The following MATN2 variants were observed in gnomAD, a reference collection of about 807,000 sequenced individuals.
MATN2 encodes the protein matrilin 2, also known as matrilin-2.
MATN2 carries 69 observed loss-of-function variants against 103.2 expected under a neutral mutation model. The ratio of observed to expected loss-of-function variants is 0.67; its 90% CI spans 0.55 to 0.82. The LOEUF is 0.82. MATN2 is among the 40% of genes least tolerant of loss of function. The pLI is 0.00. For missense variants in MATN2, 1,023 were observed against 1,211.5 expected (o/e 0.84, Z 2.31); for synonymous variants, 429 against 450.2 (o/e 0.95, Z 0.60).
intron 2 of MATN2, among the ~76,000 whole-genome samples, chr8:97,921,813 G>A (rs2130109299): frequency 6.6e-6 from 1 of 152,272 alleles, no homozygotes; most frequent in East Asian, 1.9e-4. Flanking sequence ...TCTTTGACAA[G>A]CCCATGTAGT....
At chr8:97,981,835 C>T (rs988139236) in intron 6 of MATN2, among the ~76,000 whole-genome samples, 13 of 152,266 alleles carry the variant, frequency 8.5e-5, no homozygotes, top group Admixed American at 2.6e-4. Context: ...ATCCCCAGCC[C>T]AGGGTGGTGC....
chr8:98,025,860 C>T (rs1813778051), intron 13 of MATN2: 1 of 343,102 alleles, frequency 2.9e-6, no homozygotes, highest in Admixed American at 4.0e-5. Context: ...GCTTTTATTT[C>T]TGCTTACTAT....
chr8:97,875,143 C>G (rs1818028071), intron 1 of MATN2, among the ~76,000 whole-genome samples: 1 of 151,996 alleles, frequency 6.6e-6, no homozygotes. Flanking sequence ...TCACATATTC[C>G]CAGCTTCTGG....
intron 6 of MATN2, among the ~76,000 whole-genome samples, chr8:97,994,028 A>G (rs1276144744): frequency 1.3e-5 from 2 of 151,030 alleles, no homozygotes; most frequent in East Asian, 1.9e-4. Flanking sequence ...AATAATAATA[A>G]TAGAAGAAGA....
chr8:97,914,358 C>CTTTTT (rs149996231), intron 2 of MATN2, among the ~76,000 whole-genome samples: 5 of 52,936 alleles, frequency 9.4e-5, no homozygotes, highest in Admixed American at 3.1e-4. Context: ...AAATCCAGAC[C>CTTTTT]TTTTTTTTTT....
chr8:97,964,856 C>T (rs1431391614), intron 5 of MATN2, among the ~76,000 whole-genome samples: 1 of 152,150 alleles, frequency 6.6e-6, no homozygotes, highest in Non-Finnish European at 1.5e-5. Flanking sequence ...ACCTCAGACT[C>T]CCAAGTTGCT....
chr8:98,034,467 T>C lies in MATN2; in HGVS notation c.2815+808T>C, dbSNP rs145144624. On this transcript the variant is annotated intron_variant, in intron 18 of 18. Coordinates refer to ENST00000254898, the MANE Select transcript of MATN2 (RefSeq NM_002380.5). ...GCTTATGTAATAAGGAACAACAGCA[T>C]AGGGCAATTCCATTTCTGAAAGCTG... Among the ~76,000 whole-genome samples, 1,488 of 152,296 alleles carry C rather than the reference T, an allele frequency of 9.8e-3. 15 individuals carry two copies. The highest frequency in any genetic ancestry group is 0.016 in the Non-Finnish European group (1,072 of 68,022).
At position 98,031,154 on chromosome 8, in the gene MATN2, A is replaced by C. The variant is rs368960960; in HGVS notation, c.2509+540A>C. On this transcript the variant is annotated intron_variant, in intron 15 of 18. Transcript: ENST00000254898. Reference sequence around the variant, plus strand: ...GAGTTCAAGACCAGTTTAGGCAACAAAGTGAAACCCTGTCTCTGAAAAAAA... The same window carrying C: ...GAGTTCAAGACCAGTTTAGGCAACACAGTGAAACCCTGTCTCTGAAAAAAA... 1.5e-4 allele frequency among the ~76,000 whole-genome samples: 23 copies of C among 152,166 alleles called. 1 individual carries two copies. The East Asian group carries it at 4.1e-3, about 27-fold the overall frequency.
At chr8:97,968,593 G>T (rs1302869980) in intron 5 of MATN2, among the ~76,000 whole-genome samples, 1 of 152,128 alleles carries the variant, frequency 6.6e-6, no homozygotes, top group Non-Finnish European at 1.5e-5. Context: ...GATCCCTAGG[G>T]CATGAACACA....
chr8:97,931,270 G>C lies in MATN2; in HGVS notation c.460G>C (p.Ala154Pro). 1 of 1,613,932 alleles carries C rather than the reference G, an allele frequency of 6.2e-7. No homozygotes were observed. Among genetic ancestry groups the C allele is most frequent in the Non-Finnish European group, 8.5e-7 (1 of 1,179,882 alleles). ...LNIAFSEAEG[A>P]RPLRENVPRV... ...CATCGCATTCTCAGAAGCAGAGGGG[G>C]CCCGGCCCCTGAGGGAGAATGTGCC... is the stretch of plus-strand genomic sequence containing the variant. Residue 154 changes from alanine (A) to proline (P), a missense_variant, in exon 3 of 19, where the codon GCC becomes CCC. By Grantham distance (27) the Ala-to-Pro change is conservative. Coordinates refer to ENST00000254898, the MANE Select transcript of MATN2 (RefSeq NM_002380.5). The surrounding 1 kb of genome is among the most constrained non-coding windows in gnomAD (Gnocchi z 4.1).
intron 2 of MATN2, among the ~76,000 whole-genome samples, chr8:97,916,693 A>G (rs890993371): frequency 6.6e-6 from 1 of 152,128 alleles, no homozygotes; most frequent in Non-Finnish European, 1.5e-5. Flanking sequence ...AAACTCCGAG[A>G]GAGGACGTGA....
In MATN2 at chr8:97,961,546, G is replaced by A. The variant is rs745978367; in HGVS notation, c.958+16G>A. Reference sequence around the variant, plus strand: ...AGGTGTGTGGGTGAGTATCCCTCCAGCTGGGCTTGGTAGGGAAGGACAAGT... The same window carrying A: ...AGGTGTGTGGGTGAGTATCCCTCCAACTGGGCTTGGTAGGGAAGGACAAGT... On this transcript the variant is annotated intron_variant, in intron 5 of 18. Transcript: ENST00000254898. 6.2e-7 allele frequency: 1 copy of A among 1,600,236 alleles called. No homozygotes were observed. The highest frequency in any genetic ancestry group is 1.7e-5 in the Admixed American group (1 of 58,694).
chr8:98,007,555 G>C lies in MATN2; in HGVS notation c.1527G>C (p.Gln509His). 1.9e-6 allele frequency: 3 copies of C among 1,613,500 alleles called. No individual in the cohort carries two copies. The highest frequency in any genetic ancestry group is 2.5e-6 in the Non-Finnish European group (3 of 1,179,444). The change falls in exon 10 of 19, where the codon CAG (glutamine) becomes CAC (histidine). Residue 509 changes from glutamine (Q) to histidine (H), a missense_variant. Transcript: ENST00000254898. This position sits in a 1 kb window ranked among gnomAD's most constrained non-coding sequence, Gnocchi z 4.2. ...ACATGGACAGATCCTTTGCCTGTCA[G>C]TGTCCTGAGGGACACGTGCTCCGCA... is the stretch of plus-strand genomic sequence containing the variant. ...CVNMDRSFAC[Q>H]CPEGHVLRSD...
At chr8:97,979,064 A>T in intron 6 of MATN2, 56 bp downstream of exon 6, 2 of 1,542,960 alleles carry the variant, frequency 1.3e-6, no homozygotes, top group South Asian at 2.5e-5. Context: ...TGCTGTGGTG[A>T]CTGTGACCAT....
intron 11 of MATN2, 121 bp downstream of exon 11, chr8:98,016,783 T>C (rs986645299): frequency 1.6e-6 from 2 of 1,213,738 alleles, no homozygotes; most frequent in East Asian, 2.6e-5. Context: ...AAATGTAATG[T>C]AGTGTCCTGG....
At chr8:97,887,789 A>G (rs1235679721) in intron 1 of MATN2, 2 of 215,622 alleles carry the variant, frequency 9.3e-6, no homozygotes, top group Non-Finnish European at 1.8e-5. Flanking sequence ...AATGAACTTA[A>G]CTGATAAGAA....
At chr8:97,996,126 T>C (rs113332356) in intron 7 of MATN2, among the ~76,000 whole-genome samples, 1 of 152,202 alleles carries the variant, frequency 6.6e-6, no homozygotes, top group Non-Finnish European at 1.5e-5. Context: ...TCAGCTCAGA[T>C]GCTCATTGCA....
intron 13 of MATN2, among the ~76,000 whole-genome samples, chr8:98,022,751 G>C (rs1019446568): frequency 6.6e-6 from 1 of 152,108 alleles, no homozygotes. Flanking sequence ...GACAGATCTG[G>C]ATTTGAACCC....
At chr8:97,900,613 C>T (rs2130027152) in intron 2 of MATN2, among the ~76,000 whole-genome samples, 1 of 152,274 alleles carries the variant, frequency 6.6e-6, no homozygotes, top group East Asian at 1.9e-4. Flanking sequence ...CTTGTTCCAG[C>T]CTACTTGATC....
Sources: allele counts gnomAD v4.1 joint callset (sites outside exome capture counted in the v4.1 genomes callset), GRCh38; gene constraint gnomAD v4.1.1; non-coding constraint Gnocchi (gnomAD v3.1); transcripts MANE v1.5; gene names NCBI Gene and HGNC (gene_info 2026-07-23, HGNC 2026-07-21).